Variants in MYT1 observed in about 807,000 individuals in gnomAD.
MYT1 encodes the protein myelin transcription factor 1, also known as myelin transcription factor I.
Under a neutral mutation model 123.0 loss-of-function variants are expected in MYT1, and 23 were observed. The ratio of observed to expected loss-of-function variants is 0.19; its 90% CI spans 0.13 to 0.26. The LOEUF (loss-of-function observed/expected upper bound fraction) is 0.26. Ranked by LOEUF, MYT1 falls within the 10% of genes least tolerant of loss-of-function variation. MYT1 has a pLI of 1.00. For synonymous variants in MYT1, 518 were observed against 575.3 expected, an observed-to-expected ratio of 0.90 and a Z score of 1.43; for missense variants, 1,125 against 1,472.5, an observed-to-expected ratio of 0.76 and a Z score of 3.86.
intron 19 of MYT1, among the ~76,000 whole-genome samples, chr20:64,235,869 CGCTGGGATGGTCAT>C (rs1984516812): frequency 7.6e-6 from 1 of 132,310 alleles, no homozygotes; most frequent in Admixed American, 7.3e-5. Flanking sequence ...TGGTGGGTGA[CGCTGGGATGGTCAT>C]GGTGGGTGAC....
rs1297274662 is a variant in MYT1, at chr20:64,203,225, G to A, written c.87-1810G>A. ...CTGAGCTGAGGGTGACGTGTTCAGG[G>A]CAGTCCGGTCCCCACAGGCCTCCAC... On this transcript the variant is annotated intron_variant, in intron 4 of 22. Transcript: ENST00000328439. The surrounding 1 kb of genome is among the most constrained non-coding windows in gnomAD (Gnocchi z 5.1). Among the ~76,000 whole-genome samples, 10 of 152,214 alleles carry A rather than the reference G, an allele frequency of 6.6e-5. No homozygotes were observed. The highest frequency in any genetic ancestry group is 2.2e-4 in the African/African-American group (9 of 41,446).
chr20:64,228,763 C>T (rs1984242076), intron 18 of MYT1, among the ~76,000 whole-genome samples: 1 of 152,216 alleles, frequency 6.6e-6, no homozygotes, highest in South Asian at 2.1e-4. Context: ...CCATTTTGCC[C>T]AGGACCGAGG....
intron 4 of MYT1, among the ~76,000 whole-genome samples, chr20:64,201,142 C>CT (rs1160720590): frequency 6.6e-6 from 1 of 152,168 alleles, no homozygotes; most frequent in Admixed American, 6.5e-5. Flanking sequence ...AAACTCCAGG[C>CT]TTTTTTGGTA....
chr20:64,180,145 TAC>T (rs150448588), intron 1 of MYT1, among the ~76,000 whole-genome samples: 4,694 of 150,484 alleles, frequency 0.031, 105 homozygotes, highest in Middle Eastern at 0.061. Flanking sequence ...ACACACACGC[TAC>T]ACACAGTTAC....
rs1982071691 is a variant in MYT1, at chr20:64,166,066, C to A, written c.-99+1327C>A. On this transcript the variant is annotated intron_variant, in intron 1 of 22. Transcript: ENST00000328439. This position sits in a 1 kb window ranked among gnomAD's most constrained non-coding sequence, Gnocchi z 4.9. ...GCTGACTGAGGGAGGCTCCCCTCGG[C>A]CCCCAGCCTCCCTGCCACCCCGGGC... Among the ~76,000 whole-genome samples, 1 of 152,132 alleles carries A rather than the reference C, an allele frequency of 6.6e-6. No homozygotes were observed. Among genetic ancestry groups the A allele is most frequent in the Admixed American group, 6.5e-5 (1 of 15,290 alleles).
intron 2 of MYT1, among the ~76,000 whole-genome samples, chr20:64,194,134 A>G (rs1983039876): frequency 6.6e-6 from 1 of 152,214 alleles, no homozygotes; most frequent in African/African-American, 2.4e-5. Flanking sequence ...ACATGCACTA[A>G]GCAGCTGTCT....
intron 13 of MYT1, 50 bp from the exon 14 acceptor site, chr20:64,221,843 C>T: frequency 6.3e-7 from 1 of 1,599,496 alleles, no homozygotes; most frequent in Non-Finnish European, 8.5e-7. Flanking sequence ...GTTGGGCGCC[C>T]AGGCCTCCCC....
chr20:64,215,759 G>GT (rs5842445), intron 10 of MYT1, among the ~76,000 whole-genome samples: 3,339 of 139,916 alleles, frequency 0.024, 37 homozygotes, highest in African/African-American at 0.041. Flanking sequence ...TTTTTTTTGC[G>GT]TTTTTTTTTT....
In MYT1 at chr20:64,220,000, G is replaced by T; in HGVS notation, c.2241+18G>T. ...CTGAGGAGGTGGGTGCAGGCGCCTG[G>T]GCAAGCAGTCAGGCGGCTGCAGCCA... On this transcript the variant is annotated intron_variant, in intron 13 of 22. Transcript: ENST00000328439. 1 of 1,450,442 alleles carries T rather than the reference G, an allele frequency of 6.9e-7. No individual in the cohort carries two copies. The highest frequency in any genetic ancestry group is 1.5e-5 in the South Asian group (1 of 68,300). 89.8% of individuals were successfully genotyped at this position (1,450,442 alleles called of 1,614,324 possible). A position where few individuals can be genotyped will look rare whatever the true frequency, so the allele number is the denominator to read the frequency against.
At chr20:64,209,836 A>G (rs1363119263) in intron 7 of MYT1, among the ~76,000 whole-genome samples, 1 of 152,186 alleles carries the variant, frequency 6.6e-6, no homozygotes, top group African/African-American at 2.4e-5. Flanking sequence ...ACAGGTGGGG[A>G]CATGGTTTCA....
At chr20:64,229,958 G>C (rs898495623) in intron 18 of MYT1, among the ~76,000 whole-genome samples, 2 of 152,016 alleles carry the variant, frequency 1.3e-5, no homozygotes, top group Admixed American at 1.3e-4. Flanking sequence ...TGGCACACAC[G>C]GCTTCTGCCC....
intron 16 of MYT1, among the ~76,000 whole-genome samples, chr20:64,226,191 A>C (rs1176032243): frequency 2.0e-5 from 3 of 152,182 alleles, no homozygotes; most frequent in Non-Finnish European, 4.4e-5. Context: ...AAGGTATCCA[A>C]TGTGTGGCCC....
At chr20:64,209,029 C>T (rs558067683) in intron 7 of MYT1, among the ~76,000 whole-genome samples, 57 of 152,300 alleles carry the variant, frequency 3.7e-4, no homozygotes, top group Middle Eastern at 3.4e-3. Context: ...ACAGGGGAGC[C>T]ATCCCCTGAT....
At position 64,240,397 on chromosome 20, in the gene MYT1, C is replaced by T. The variant is rs926311548; in HGVS notation, c.3315C>T (p.Asn1105=). The change falls in exon 23 of 23, where the codon AAC becomes AAT. Residue 1105 remains asparagine, a synonymous_variant. Transcript: ENST00000328439. ...TGTACTCCAACCAGGACCCGGAGAA[C>T]AAGGACCTCCTGGAGAGCATCAAGC... ...TDMYSNQDPE[N]KDLLESIKQA... 1 of 1,613,880 alleles carries T rather than the reference C, an allele frequency of 6.2e-7. No homozygotes were observed. The highest frequency in any genetic ancestry group is 1.3e-5 in the African/African-American group (1 of 74,938).
At chr20:64,217,348 G>A (rs1983868577) in intron 11 of MYT1, 67 bp downstream of exon 11, 2 of 1,548,918 alleles carry the variant, frequency 1.3e-6, no homozygotes, top group Admixed American at 1.7e-5. Flanking sequence ...GATTCAAGGG[G>A]CAGTGGAGGA....
chr20:64,193,360 G>A lies in MYT1; in HGVS notation c.-1+3200G>A, dbSNP rs1303348425. Among the ~76,000 whole-genome samples the A allele has an allele frequency of 5.3e-5, 8 of 152,312 alleles. No homozygotes were observed. Among genetic ancestry groups the A allele is most frequent in the Non-Finnish European group, 1.0e-4 (7 of 68,018 alleles). ...ACCAAAGAAAGGGAAGGGGAGGGCT[G>A]TGGATGCAGCAGAAGATCCTCCTGG... is the stretch of plus-strand genomic sequence containing the variant. On this transcript the variant is annotated intron_variant, in intron 2 of 22. Coordinates refer to ENST00000328439, the MANE Select transcript of MYT1 (RefSeq NM_004535.3). The surrounding 1 kb of genome is among the most constrained non-coding windows in gnomAD (Gnocchi z 4.0).
At position 64,232,535 on chromosome 20, in the gene MYT1, T is replaced by G. The variant is rs903613912; in HGVS notation, c.2897+150T>G. On this transcript the variant is annotated intron_variant, in intron 19 of 22. Transcript: ENST00000328439. This position sits in a 1 kb window ranked among gnomAD's most constrained non-coding sequence, Gnocchi z 6.9. ...AAGGCCAGGCCACATGGGTAGCGGA[T>G]GGGGGAGGCTAGCGGGTCTGTTGGT... The G allele has an allele frequency of 1.4e-6, 1 of 738,428 alleles. No homozygotes were observed. The highest frequency in any genetic ancestry group is 1.8e-5 in the African/African-American group (1 of 56,788). The allele number at this position is 738,428 out of a possible 1,614,324, so 45.7% of individuals were successfully genotyped here.
At chr20:64,194,028 G>A (rs1051527048) in intron 2 of MYT1, among the ~76,000 whole-genome samples, 7 of 152,022 alleles carry the variant, frequency 4.6e-5, no homozygotes, top group African/African-American at 1.5e-4. Flanking sequence ...CTCTGACCAC[G>A]GCTCTCCACA....
intron 19 of MYT1, among the ~76,000 whole-genome samples, chr20:64,235,529 G>A (rs1310752310): frequency 7.0e-6 from 1 of 142,910 alleles, no homozygotes; most frequent in Non-Finnish European, 1.5e-5. Context: ...GCCATGGTAT[G>A]TGACCCGGGG....
Sources: gnomAD v4.1 joint callset for allele counts (sites outside exome capture counted in the v4.1 genomes callset) on GRCh38, gnomAD v4.1.1 for gene constraint, Gnocchi (gnomAD v3.1) non-coding constraint, MANE v1.5 for transcripts, NCBI Gene and HGNC (gene_info 2026-07-23, HGNC 2026-07-21) for gene names.